GLI3: variants seen among roughly 807,000 people sequenced by gnomAD.
The protein encoded by GLI3 is GLI family zinc finger 3.
Under a neutral mutation model 100.8 loss-of-function variants are expected in GLI3, and 20 were observed. The ratio of observed to expected loss-of-function variants is 0.20; its 90% confidence interval spans 0.14 to 0.29. The LOEUF (loss-of-function observed/expected upper bound fraction) is 0.29. GLI3 is among the 10% of genes least tolerant of loss of function. GLI3 has a pLI of 1.00. For synonymous variants in GLI3, 938 were observed against 860.5 expected (o/e 1.09, Z -1.58); for missense variants, 2,040 against 2,128.5 (o/e 0.96, Z 0.82).
At chr7:42,165,867 A>C (rs986586352) in intron 2 of GLI3, among the ~76,000 whole-genome samples, 1 of 152,224 alleles carries the variant, frequency 6.6e-6, no homozygotes, top group Non-Finnish European at 1.5e-5. Flanking sequence ...AAAATCCAAA[A>C]CATTGGGAAA....
chr7:42,063,980 G>A (rs750951307), intron 4 of GLI3, among the ~76,000 whole-genome samples: 48 of 152,272 alleles, frequency 3.2e-4, no homozygotes, highest in Non-Finnish European at 4.9e-4. Context: ...GAAAAGGATG[G>A]TATGGTTATC....
intron 12 of GLI3, among the ~76,000 whole-genome samples, chr7:41,973,364 C>T (rs1034081441): frequency 2.0e-5 from 3 of 152,216 alleles, no homozygotes; most frequent in Admixed American, 6.5e-5. Context: ...GGTCTGTTTT[C>T]TTCTCCTCAG....
intron 12 of GLI3, among the ~76,000 whole-genome samples, chr7:41,977,085 A>C (rs1250659413): frequency 6.6e-6 from 1 of 152,208 alleles, no homozygotes; most frequent in Non-Finnish European, 1.5e-5. Flanking sequence ...CTCTGTAAAA[A>C]TCTTTTTTGA....
At chr7:42,023,699 A>G (rs1789015479) in intron 9 of GLI3, 91 bp from the exon 10 acceptor site, 3 of 1,229,184 alleles carry the variant, frequency 2.4e-6, no homozygotes, top group Admixed American at 1.7e-5. Context: ...TAAAAACCCA[A>G]TTTAGATTTG....
chr7:42,176,465 T>C (rs1787481792), intron 2 of GLI3, among the ~76,000 whole-genome samples: 1 of 152,042 alleles, frequency 6.6e-6, no homozygotes, highest in East Asian at 1.9e-4. Context: ...GGCCTGCCTG[T>C]TCCTTCTGCA....
chr7:42,001,439 T>C (rs1352903893), intron 10 of GLI3, among the ~76,000 whole-genome samples: 1 of 152,152 alleles, frequency 6.6e-6, no homozygotes, highest in African/African-American at 2.4e-5. Context: ...AAGGCTTGGA[T>C]AAGTCTCACA....
chr7:42,094,330 T>C (rs1293124140), intron 3 of GLI3, among the ~76,000 whole-genome samples: 5 of 152,190 alleles, frequency 3.3e-5, no homozygotes, highest in Admixed American at 2.0e-4. Context: ...AGACAGGGTG[T>C]GGTGGCTCAC....
At chr7:42,239,366 A>G (rs745949617), upstream of GLI3, among the ~76,000 whole-genome samples, 1 of 152,216 alleles carries the variant, frequency 6.6e-6, no homozygotes, top group East Asian at 1.9e-4. Context: ...GTTTCCAATG[A>G]GAAATACATG....
intron 2 of GLI3, among the ~76,000 whole-genome samples, chr7:42,198,735 T>C (rs1787978549): frequency 1.3e-5 from 2 of 151,990 alleles, no homozygotes; most frequent in Admixed American, 1.3e-4. Flanking sequence ...GGCGCAACTT[T>C]GATACCTCCT....
intron 2 of GLI3, among the ~76,000 whole-genome samples, chr7:42,149,336 C>G (rs1786800611): frequency 6.6e-6 from 1 of 152,192 alleles, no homozygotes; most frequent in Non-Finnish European, 1.5e-5. Flanking sequence ...AGCGGGTATT[C>G]CAGTTTCCTA....
chr7:42,158,820 A>G (rs537170531), intron 2 of GLI3, among the ~76,000 whole-genome samples: 1 of 152,314 alleles, frequency 6.6e-6, no homozygotes, highest in South Asian at 2.1e-4. Context: ...TGTTAAAATT[A>G]TTCTGCCTCT....
rs2128706258 is a variant in GLI3, at chr7:41,966,397, G to A, written c.2676C>T (p.Ala892=). 1.9e-6 allele frequency: 3 copies of A among 1,610,822 alleles called. No homozygotes were observed. Among genetic ancestry groups the A allele is most frequent in the Non-Finnish European group, 2.5e-6 (3 of 1,179,416 alleles). The change falls in exon 15 of 15, where the codon GCC becomes GCT. Residue 892 remains alanine (A), a synonymous_variant. Coordinates refer to ENST00000395925, the MANE Select transcript of GLI3 (RefSeq NM_000168.6). This position sits in a 1 kb window ranked among gnomAD's most constrained non-coding sequence, Gnocchi z 5.8. ...AEGRPQNVSV[A]DSYDPISTDA... ...CGGTGGAGATGGGGTCGTAGGAGTC[G>A]GCCACGCTCACGTTCTGCGGCCGGC... is the stretch of plus-strand genomic sequence containing the variant.
At chr7:42,076,360 T>C (rs1415413021) in intron 4 of GLI3, among the ~76,000 whole-genome samples, 1 of 152,230 alleles carries the variant, frequency 6.6e-6, no homozygotes, top group African/African-American at 2.4e-5. Flanking sequence ...TCATTACAAT[T>C]CCTTGTGATC....
At chr7:42,243,049 A>G (rs1788940886) in intron 1 of GLI3, among the ~76,000 whole-genome samples, 1 of 152,204 alleles carries the variant, frequency 6.6e-6, no homozygotes, top group African/African-American at 2.4e-5. Flanking sequence ...GGGAGAGGTT[A>G]ACATGAATGA....
At chr7:42,001,569 G>A (rs1343543810) in intron 10 of GLI3, among the ~76,000 whole-genome samples, 2 of 152,056 alleles carry the variant, frequency 1.3e-5, no homozygotes, top group African/African-American at 2.4e-5. Context: ...ATGCATATAA[G>A]AGAAAATAAA....
chr7:42,049,984 G>A (rs747957949), intron 4 of GLI3, among the ~76,000 whole-genome samples: 3 of 151,862 alleles, frequency 2.0e-5, no homozygotes, highest in Non-Finnish European at 4.4e-5. Flanking sequence ...CGCACAGCCC[G>A]GCCCCCATCA....
intron 3 of GLI3, among the ~76,000 whole-genome samples, chr7:42,115,357 C>G (rs553509922): frequency 6.6e-6 from 1 of 152,050 alleles, no homozygotes; most frequent in Non-Finnish European, 1.5e-5. Flanking sequence ...CCAGGCTGGT[C>G]TGGAACTCCT....
intron 4 of GLI3, among the ~76,000 whole-genome samples, chr7:42,066,810 T>C (rs759576219): frequency 5.3e-5 from 8 of 152,204 alleles, no homozygotes; most frequent in Non-Finnish European, 1.0e-4. Flanking sequence ...CTCAATCCAA[T>C]GACTACGTGT....
chr7:41,978,485 C>T (rs1787568842), intron 11 of GLI3, 114 bp downstream of exon 11: 1 of 976,024 alleles, frequency 1.0e-6, no homozygotes, highest in Non-Finnish European at 1.7e-6. Flanking sequence ...ATACTCTAGT[C>T]CTCTTCTCTT....
Sources: gnomAD v4.1 joint callset for allele counts (sites outside exome capture counted in the v4.1 genomes callset) on GRCh38, gnomAD v4.1.1 for gene constraint, Gnocchi (gnomAD v3.1) non-coding constraint, MANE v1.5 for transcripts, NCBI Gene and HGNC (gene_info 2026-07-23, HGNC 2026-07-21) for gene names.